MEGF11: variants seen among roughly 807,000 people sequenced by gnomAD.
MEGF11 encodes multiple EGF like domains 11, also known as multiple epidermal growth factor-like domains protein 11.
MEGF11 carries 126 observed loss-of-function variants against 146.6 expected under a neutral mutation model. The observed-to-expected ratio is 0.86, with a 90% CI of 0.74 to 1.00. The LOEUF is 1.00. Ranked by LOEUF, MEGF11 falls within the 50% of genes least tolerant of loss-of-function variation. The probability of loss-of-function intolerance (pLI) is 0.00; values close to 1 mark genes in which losing one functional copy is unlikely to be tolerated. For synonymous variants in MEGF11, 532 were observed against 583.4 expected (o/e 0.91, Z 1.27); for missense variants, 1,509 against 1,521.2 (o/e 0.99, Z 0.13).
intron 20 of MEGF11, 43 bp from the exon 21 acceptor site, chr15:65,912,243 C>A: frequency 8.6e-7 from 1 of 1,166,272 alleles, no homozygotes; most frequent in South Asian, 4.4e-5. Context: ...TACCCCTGCC[C>A]CTGGCATGAG....
chr15:66,076,038 A>AT (rs1488045613), intron 5 of MEGF11, among the ~76,000 whole-genome samples: 1 of 152,216 alleles, frequency 6.6e-6, no homozygotes, highest in Non-Finnish European at 1.5e-5. Context: ...GGCTTAAGAA[A>AT]TGTCTGCTGA....
At chr15:66,220,027 G>T (rs1386040724) in intron 1 of MEGF11, among the ~76,000 whole-genome samples, 1 of 152,132 alleles carries the variant, frequency 6.6e-6, no homozygotes, top group Non-Finnish European at 1.5e-5. Flanking sequence ...TACTGGATTA[G>T]GGTGGGCCCT....
At chr15:65,961,427 T>A (rs560963065) in intron 9 of MEGF11, among the ~76,000 whole-genome samples, 11 of 152,326 alleles carry the variant, frequency 7.2e-5, no homozygotes, top group Admixed American at 5.9e-4. Context: ...CAATGCTGCA[T>A]CTGTTGGCTA....
intron 5 of MEGF11, among the ~76,000 whole-genome samples, chr15:66,014,268 G>T (rs1214561373): frequency 6.6e-6 from 1 of 152,226 alleles, no homozygotes; most frequent in Non-Finnish European, 1.5e-5. Flanking sequence ...AATCCAGTAT[G>T]ATCTAATTTT....
chr15:65,939,377 C>A (rs2079898874), intron 10 of MEGF11, among the ~76,000 whole-genome samples: 1 of 152,064 alleles, frequency 6.6e-6, no homozygotes, highest in African/African-American at 2.4e-5. Flanking sequence ...CTCATTCATT[C>A]ATTCAATCTG....
At chr15:65,926,241 G>C (rs930262317) in intron 13 of MEGF11, among the ~76,000 whole-genome samples, 1 of 152,198 alleles carries the variant, frequency 6.6e-6, no homozygotes, top group African/African-American at 2.4e-5. Context: ...ACAATCCTGA[G>C]TCTTTCATCC....
intron 18 of MEGF11, among the ~76,000 whole-genome samples, chr15:65,915,923 G>T (rs1169030830): frequency 6.6e-6 from 1 of 152,074 alleles, no homozygotes; most frequent in Non-Finnish European, 1.5e-5. Flanking sequence ...CTCATTACTT[G>T]CTATGACCTC....
chr15:66,210,803 G>C (rs1450421566), intron 1 of MEGF11, among the ~76,000 whole-genome samples: 2 of 152,164 alleles, frequency 1.3e-5, no homozygotes, highest in Non-Finnish European at 2.9e-5. Context: ...AGAATGAAAG[G>C]CAAACATGGC....
At chr15:66,194,504 A>G (rs1040357070) in intron 1 of MEGF11, among the ~76,000 whole-genome samples, 2 of 152,178 alleles carry the variant, frequency 1.3e-5, no homozygotes, top group African/African-American at 4.8e-5. Context: ...GATAGTCAAG[A>G]GGCTGAGACA....
intron 1 of MEGF11, among the ~76,000 whole-genome samples, chr15:66,168,690 T>A (rs2090164836): frequency 1.3e-5 from 2 of 152,330 alleles, no homozygotes; most frequent in South Asian, 2.1e-4. Flanking sequence ...ATTATTAAAA[T>A]AAGGCTGGGT....
intron 23 of MEGF11, 69 bp downstream of exon 23, chr15:65,908,965 G>T: frequency 1.0e-6 from 1 of 976,896 alleles, no homozygotes; most frequent in Non-Finnish European, 1.6e-6. Context: ...AAGGTGCAGG[G>T]ATGGGGATTA....
chr15:66,179,697 A>C (rs952466502), intron 1 of MEGF11, among the ~76,000 whole-genome samples: 2 of 152,166 alleles, frequency 1.3e-5, no homozygotes, highest in Admixed American at 1.3e-4. Flanking sequence ...ACCGGGTTTC[A>C]GGTTCCCAAA....
intron 15 of MEGF11, chr15:65,922,005 A>G (rs2079184778): frequency 6.1e-6 from 2 of 328,974 alleles, no homozygotes; most frequent in Admixed American, 4.7e-5. Flanking sequence ...CACTCGGCAC[A>G]GACCACATGG....
intron 24 of MEGF11, 49 bp downstream of exon 24, chr15:65,906,036 T>C (rs1257715813): frequency 6.7e-7 from 1 of 1,489,448 alleles, no homozygotes; most frequent in Non-Finnish European, 9.3e-7. Flanking sequence ...TCTGCACTCT[T>C]TATCTTGCTA....
chr15:66,240,100 C>G (rs2092179098), intron 1 of MEGF11, among the ~76,000 whole-genome samples: 1 of 152,194 alleles, frequency 6.6e-6, no homozygotes, highest in African/African-American at 2.4e-5. Flanking sequence ...TCCACCCCAG[C>G]CCCCCAATAA....
intron 7 of MEGF11, among the ~76,000 whole-genome samples, chr15:65,972,503 G>A (rs2081327044): frequency 6.6e-6 from 1 of 151,832 alleles, no homozygotes; most frequent in South Asian, 2.1e-4. Flanking sequence ...GAGCCCAGGA[G>A]TTGGAGACCA....
At chr15:66,234,260 G>T (rs1289038170) in intron 1 of MEGF11, among the ~76,000 whole-genome samples, 1 of 152,182 alleles carries the variant, frequency 6.6e-6, no homozygotes, top group African/African-American at 2.4e-5. Flanking sequence ...ACCATGAGGC[G>T]CTATTGCGAG....
At chr15:66,196,637 C>T (rs900359071) in intron 1 of MEGF11, among the ~76,000 whole-genome samples, 1 of 152,194 alleles carries the variant, frequency 6.6e-6, no homozygotes, top group African/African-American at 2.4e-5. Flanking sequence ...GTGGGAAGAA[C>T]GGCTCTTTTG....
At chr15:65,985,994 C>G (rs921063739) in intron 5 of MEGF11, among the ~76,000 whole-genome samples, 3 of 149,424 alleles carry the variant, frequency 2.0e-5, no homozygotes, top group African/African-American at 7.3e-5. Flanking sequence ...TCTTGTTGCC[C>G]AGGCTGGAGT....
Sources: gnomAD v4.1 joint callset for allele counts (sites outside exome capture counted in the v4.1 genomes callset) on GRCh38, gnomAD v4.1.1 for gene constraint, MANE v1.5 for transcripts, NCBI Gene and HGNC (gene_info 2026-07-23, HGNC 2026-07-21) for gene names.